Variants in ANKIB1 observed in about 807,000 individuals in gnomAD.
ANKIB1 encodes the protein ankyrin repeat and IBR domain containing 1.
ANKIB1 carries 43 observed loss-of-function variants against 122.1 expected under a neutral mutation model. That is an observed-to-expected ratio of 0.35 (90% CI 0.28 to 0.45). The LOEUF (loss-of-function observed/expected upper bound fraction) is 0.45, where lower values mean the gene tolerates loss of function less well. Among genes scored for constraint, ANKIB1 ranks in the 20% least tolerant of loss-of-function variants. The probability of loss-of-function intolerance (pLI) is 1.00; values close to 1 mark genes in which losing one functional copy is unlikely to be tolerated. For missense variants in ANKIB1, 992 were observed against 1,329.5 expected (o/e 0.75, Z 3.95); for synonymous variants, 390 against 442.0 (o/e 0.88, Z 1.48).
Position 92,398,713 on chromosome 7 carries a change from A to T in ANKIB1, c.3034A>T (p.Lys1012Ter). Residue 1012 changes from lysine to a stop codon, truncating the protein, a stop_gained, in exon 20 of 20, where the codon AAG becomes TAG. Coordinates refer to ENST00000265742, the MANE Select transcript of ANKIB1 (RefSeq NM_019004.2). LOFTEE classifies it high-confidence loss of function. ...PCIKDGSEGVKDVELVLPEDS... is the reference protein window; with the variant it reads ...PCIKDGSEGV ...TATCAAAGATGGGTCAGAAGGTGTG[A>T]AGGATGTGGAACTGGTGCTGCCAGA... 1 of 1,613,660 alleles carries T rather than the reference A, an allele frequency of 6.2e-7. No individual in the cohort carries two copies. The highest frequency in any genetic ancestry group is 1.1e-5 in the South Asian group (1 of 91,026).
chr7:92,346,331 A>G (rs1186238774), intron 7 of ANKIB1, among the ~76,000 whole-genome samples: 1 of 152,088 alleles, frequency 6.6e-6, no homozygotes, highest in Non-Finnish European at 1.5e-5. Flanking sequence ...GGGTTTTGCC[A>G]TGTTGGTCAA....
chr7:92,259,126 G>A (rs1336078075), intron 1 of ANKIB1, among the ~76,000 whole-genome samples: 1 of 151,930 alleles, frequency 6.6e-6, no homozygotes, highest in African/African-American at 2.4e-5. Context: ...GCTAATTTTG[G>A]TGTATTTTTG....
intron 5 of ANKIB1, 66 bp from the exon 6 acceptor site, chr7:92,342,958 T>C (rs1021023265): frequency 6.9e-7 from 1 of 1,443,170 alleles, no homozygotes; most frequent in Non-Finnish European, 9.7e-7. Context: ...TTTTTGTTAT[T>C]ATATAGCTTT....
At chr7:92,247,753 G>C (rs559916933) in intron 1 of ANKIB1, among the ~76,000 whole-genome samples, 1 of 152,286 alleles carries the variant, frequency 6.6e-6, no homozygotes, top group South Asian at 2.1e-4. Context: ...GATAATTTAA[G>C]AATAATTTTA....
At chr7:92,250,606 A>G (rs919514754) in intron 1 of ANKIB1, among the ~76,000 whole-genome samples, 2 of 152,180 alleles carry the variant, frequency 1.3e-5, no homozygotes, top group Non-Finnish European at 2.9e-5. Context: ...CAGGAAGGGT[A>G]GAGTATTGAG....
chr7:92,388,605 A>G (rs912386983), intron 14 of ANKIB1, among the ~76,000 whole-genome samples: 1 of 152,244 alleles, frequency 6.6e-6, no homozygotes. Flanking sequence ...AGTATTGACA[A>G]CATCATTAGA....
intron 11 of ANKIB1, among the ~76,000 whole-genome samples, chr7:92,379,676 A>G (rs115976149): frequency 6.7e-4 from 102 of 152,340 alleles, no homozygotes; most frequent in African/African-American, 2.3e-3. Flanking sequence ...TGTGTGAGAA[A>G]GAATAAAGTT....
chr7:92,336,293 G>T (rs1451872583), intron 5 of ANKIB1, among the ~76,000 whole-genome samples: 1 of 150,650 alleles, frequency 6.6e-6, no homozygotes, highest in Non-Finnish European at 1.5e-5. Flanking sequence ...TTTTTTTTTA[G>T]AATTGTTTTT....
chr7:92,277,264 C>T (rs550003896), intron 1 of ANKIB1, among the ~76,000 whole-genome samples: 1 of 152,238 alleles, frequency 6.6e-6, no homozygotes, highest in South Asian at 2.1e-4. Flanking sequence ...ATACAGTACT[C>T]CTGGAAACAA....
intron 1 of ANKIB1, among the ~76,000 whole-genome samples, chr7:92,264,381 A>C (rs1428920669): frequency 6.6e-6 from 1 of 151,896 alleles, no homozygotes; most frequent in African/African-American, 2.4e-5. Flanking sequence ...TCAATCTTTC[A>C]TTTGTCAATA....
chr7:92,302,731 A>G (rs1305646028), intron 2 of ANKIB1, among the ~76,000 whole-genome samples: 2 of 152,236 alleles, frequency 1.3e-5, no homozygotes, highest in Non-Finnish European at 1.5e-5. Context: ...TAGTTAAGAT[A>G]GAATTTCCAG....
intron 9 of ANKIB1, among the ~76,000 whole-genome samples, chr7:92,359,532 ATG>A (rs1202719031): frequency 6.6e-6 from 1 of 152,160 alleles, no homozygotes; most frequent in African/African-American, 2.4e-5. Flanking sequence ...CAATAAACAT[ATG>A]TGTGTGTGTG....
intron 1 of ANKIB1, among the ~76,000 whole-genome samples, chr7:92,283,835 A>G (rs754400106): frequency 6.6e-6 from 1 of 152,160 alleles, no homozygotes; most frequent in Non-Finnish European, 1.5e-5. Context: ...CAGTGGCACA[A>G]TCTCGGCTCA....
chr7:92,322,355 A>C (rs973326654), intron 4 of ANKIB1, among the ~76,000 whole-genome samples: 1 of 152,132 alleles, frequency 6.6e-6, no homozygotes, highest in Admixed American at 6.6e-5. Context: ...GTTACAGAAA[A>C]GTTTGATGCT....
intron 1 of ANKIB1, among the ~76,000 whole-genome samples, chr7:92,260,845 G>A (rs189476817): frequency 6.6e-5 from 10 of 152,126 alleles, no homozygotes; most frequent in Admixed American, 5.2e-4. Context: ...CTACAATAAT[G>A]CCTAGCACAT....
chr7:92,371,145 A>G (rs191182424), intron 10 of ANKIB1, among the ~76,000 whole-genome samples: 5 of 151,970 alleles, frequency 3.3e-5, no homozygotes, highest in East Asian at 3.9e-4. Context: ...TCTGTGATAC[A>G]ATAGTTATTT....
intron 18 of ANKIB1, among the ~76,000 whole-genome samples, chr7:92,397,308 A>C (rs1404021904): frequency 6.6e-6 from 1 of 152,094 alleles, no homozygotes; most frequent in Non-Finnish European, 1.5e-5. Context: ...CAACATGGTG[A>C]AACCCTATCT....
Position 92,343,151 on chromosome 7 carries a change from A to G in ANKIB1, c.915A>G (p.Pro305=). The change falls in exon 6 of 20, where the codon CCA becomes CCG. Residue 305 remains proline, a synonymous_variant. Coordinates refer to ENST00000265742, the MANE Select transcript of ANKIB1 (RefSeq NM_019004.2). ...ATGCCTGGGACACGCTCCCATCTCC[A>G]AGAACTCCAAGGACTACACGCTCTT... is the stretch of plus-strand genomic sequence containing the variant. ...GYNAWDTLPS[P]RTPRTTRSSV... 6.2e-7 allele frequency: 1 copy of G among 1,613,968 alleles called. No individual in the cohort carries two copies. Among genetic ancestry groups the G allele is most frequent in the South Asian group, 1.1e-5 (1 of 91,080 alleles).
At chr7:92,332,286 T>C (rs1803188395) in intron 5 of ANKIB1, among the ~76,000 whole-genome samples, 1 of 152,222 alleles carries the variant, frequency 6.6e-6, no homozygotes. Flanking sequence ...CTATAATTGC[T>C]CTTAAAGCCA....
Sources: allele counts gnomAD v4.1 joint callset (sites outside exome capture counted in the v4.1 genomes callset), GRCh38; gene constraint gnomAD v4.1.1; transcripts MANE v1.5; gene names NCBI Gene and HGNC (gene_info 2026-07-23, HGNC 2026-07-21).